Variants in NTNG1 observed in about 807,000 individuals in gnomAD.
NTNG1 encodes netrin G1.
Under a neutral mutation model 54.0 loss-of-function variants are expected in NTNG1, and 16 were observed. That is an observed-to-expected ratio of 0.30 (90% CI 0.20 to 0.45). NTNG1 has a LOEUF of 0.45. Among genes scored for constraint, NTNG1 ranks in the 20% least tolerant of loss-of-function variants. The probability of loss-of-function intolerance (pLI) is 1.00; values close to 1 mark genes in which losing one functional copy is unlikely to be tolerated. For synonymous variants in NTNG1, 255 were observed against 263.1 expected, an observed-to-expected ratio of 0.97 and a Z score of 0.30; for missense variants, 530 against 678.7, an observed-to-expected ratio of 0.78 and a Z score of 2.43.
At chr1:107,369,692 G>T (rs1670805807) in intron 3 of NTNG1, among the ~76,000 whole-genome samples, 1 of 151,906 alleles carries the variant, frequency 6.6e-6, no homozygotes, top group African/African-American at 2.4e-5. Context: ...TCAATATGTG[G>T]ATCTCCCAAT....
rs150364854 is a variant in NTNG1, at chr1:107,213,953, T to C, written c.246+65114T>C. Among the ~76,000 whole-genome samples the C allele has an allele frequency of 3.2e-3, 493 of 152,294 alleles. 2 individuals are homozygous for C. The highest frequency in any genetic ancestry group is 0.011 in the African/African-American group (475 of 41,570). On this transcript the variant is annotated intron_variant, in intron 2 of 7. Coordinates refer to ENST00000370068, the MANE Select transcript of NTNG1 (RefSeq NM_001113226.3). Reference sequence around the variant, plus strand: ...TTTTATTGGTTTGTAGGTTTTAAAATATATTTTGGATACAATCCTTCATCA... The same window carrying C: ...TTTTATTGGTTTGTAGGTTTTAAAACATATTTTGGATACAATCCTTCATCA...
At chr1:107,453,397 C>T (rs1402036631) in intron 7 of NTNG1, among the ~76,000 whole-genome samples, 1 of 152,156 alleles carries the variant, frequency 6.6e-6, no homozygotes, top group Non-Finnish European at 1.5e-5. Context: ...AAAAAGGACA[C>T]TACAAACGCA....
chr1:107,314,381 G>A (rs549895649), intron 2 of NTNG1, among the ~76,000 whole-genome samples: 69 of 151,884 alleles, frequency 4.5e-4, no homozygotes, highest in South Asian at 2.1e-3. Flanking sequence ...CCTGGGCAAA[G>A]AGGGAGAATC....
At chr1:107,208,298 C>T (rs1475776833) in intron 2 of NTNG1, among the ~76,000 whole-genome samples, 1 of 151,760 alleles carries the variant, frequency 6.6e-6, no homozygotes, top group Admixed American at 6.6e-5. Context: ...GGTGTGGTGG[C>T]GCAGGCCTGT....
chr1:107,482,964 T>C lies in NTNG1; in HGVS notation c.*2124T>C, dbSNP rs1344307867. 6.6e-6 allele frequency: 1 copy of C among 152,166 alleles called. No individual in the cohort carries two copies. The highest frequency in any genetic ancestry group is 2.4e-5 in the African/African-American group (1 of 41,452). The allele number at this position is 152,166 out of a possible 1,614,324, so 9.4% of individuals were successfully genotyped here. ...GAAATAAGGAAAGATGGAAATAAAT[T>C]AGAGCTTAGGCTTAGTGCCAGAGTG... On this transcript the variant is annotated 3_prime_UTR_variant, in exon 8 of 8. Coordinates refer to ENST00000370068, the MANE Select transcript of NTNG1 (RefSeq NM_001113226.3).
In NTNG1 at chr1:107,148,488, C is replaced by T. The variant is rs762250271; in HGVS notation, c.-106C>T. 1.2e-4 allele frequency: 129 copies of T among 1,038,000 alleles called. No individual in the cohort carries two copies. The highest frequency in any genetic ancestry group is 1.2e-3 in the Admixed American group (52 of 45,176). 64.3% of individuals were successfully genotyped at this position (1,038,000 alleles called of 1,614,324 possible). ...AAAAAAATACAGAGACCTACCTACC[C>T]GTACGCATACATACATATGTGTATA... On this transcript the variant is annotated 5_prime_UTR_variant, in exon 2 of 8. Coordinates refer to ENST00000370068, the MANE Select transcript of NTNG1 (RefSeq NM_001113226.3).
intron 3 of NTNG1, among the ~76,000 whole-genome samples, chr1:107,387,527 A>G (rs1672088759): frequency 1.3e-5 from 2 of 152,238 alleles, no homozygotes; most frequent in African/African-American, 4.8e-5. Flanking sequence ...CTGATACAGA[A>G]GATGCTGGTC....
intron 2 of NTNG1, among the ~76,000 whole-genome samples, chr1:107,260,629 A>G (rs1363321090): frequency 1.3e-5 from 2 of 152,218 alleles, no homozygotes; most frequent in Admixed American, 6.5e-5. Context: ...TCAAGAACAC[A>G]TTACTTTTGA....
rs115837700 is a variant in NTNG1 at position 107,405,878 on chromosome 1, A to G, written c.1061-1804A>G. On this transcript the variant is annotated intron_variant, in intron 4 of 7. Transcript: ENST00000370068. Reference sequence around the variant, plus strand: ...CAACAGAGGATTTGCAAAAAAAAATAAAGATTCAGTATCAAGTCACTGTCA... The same window carrying G: ...CAACAGAGGATTTGCAAAAAAAAATGAAGATTCAGTATCAAGTCACTGTCA... 8.7e-4 allele frequency among the ~76,000 whole-genome samples: 133 copies of G among 152,268 alleles called. 1 individual carries two copies. Among genetic ancestry groups the G allele is most frequent in the African/African-American group, 3.2e-3 (131 of 41,572 alleles).
chr1:107,243,103 G>A (rs1661954106), intron 2 of NTNG1, among the ~76,000 whole-genome samples: 1 of 152,126 alleles, frequency 6.6e-6, no homozygotes, highest in African/African-American at 2.4e-5. Flanking sequence ...TTATTCCTTT[G>A]AAAAATTATA....
chr1:107,297,753 G>C (rs1666072699), intron 2 of NTNG1, among the ~76,000 whole-genome samples: 4 of 152,114 alleles, frequency 2.6e-5, no homozygotes, highest in Non-Finnish European at 5.9e-5. Flanking sequence ...AAAAACACTA[G>C]CAGGAATTCT....
intron 2 of NTNG1, among the ~76,000 whole-genome samples, chr1:107,280,908 T>C (rs1360377164): frequency 2.0e-5 from 3 of 151,476 alleles, no homozygotes; most frequent in Non-Finnish European, 2.9e-5. Context: ...TTTATTTATT[T>C]TGGCTGAGAA....
intron 2 of NTNG1, among the ~76,000 whole-genome samples, chr1:107,248,090 C>T (rs1294259441): frequency 6.6e-6 from 1 of 152,094 alleles, no homozygotes; most frequent in Admixed American, 6.5e-5. Context: ...GCCAACATGC[C>T]ATTCTATTTA....
At chr1:107,322,398 A>T (rs1214623907) in intron 2 of NTNG1, among the ~76,000 whole-genome samples, 1 of 152,074 alleles carries the variant, frequency 6.6e-6, no homozygotes, top group East Asian at 1.9e-4. Context: ...CTACATGCTG[A>T]CAGATTTTGA....
At chr1:107,268,875 T>A (rs1373651807) in intron 2 of NTNG1, among the ~76,000 whole-genome samples, 3 of 152,180 alleles carry the variant, frequency 2.0e-5, no homozygotes. Flanking sequence ...TGGCTTCTTT[T>A]CTTTATCACA....
At chr1:107,313,393 T>C (rs560006771) in intron 2 of NTNG1, among the ~76,000 whole-genome samples, 195 of 152,246 alleles carry the variant, frequency 1.3e-3, no homozygotes, top group African/African-American at 4.2e-3. Context: ...CTTTTCAGTA[T>C]GTTGAGTTTG....
intron 7 of NTNG1, chr1:107,460,349 G>T (rs1350508551): frequency 1.9e-6 from 1 of 517,898 alleles, no homozygotes; most frequent in Non-Finnish European, 3.9e-6. Flanking sequence ...AGAAAGAGGT[G>T]AGCTCATTTC....
intron 2 of NTNG1, among the ~76,000 whole-genome samples, chr1:107,189,266 T>C (rs1657706827): frequency 6.7e-6 from 1 of 148,974 alleles, no homozygotes; most frequent in African/African-American, 2.5e-5. Context: ...CACAAGAATC[T>C]CTTGAACCCA....
intron 2 of NTNG1, among the ~76,000 whole-genome samples, chr1:107,256,423 T>C (rs1662937120): frequency 1.3e-5 from 2 of 152,208 alleles, no homozygotes; most frequent in South Asian, 4.1e-4. Flanking sequence ...CTACACCACA[T>C]AATTTTATTT....
Sources: gnomAD v4.1 joint callset for allele counts (sites outside exome capture counted in the v4.1 genomes callset) on GRCh38, gnomAD v4.1.1 for gene constraint, MANE v1.5 for transcripts, NCBI Gene and HGNC (gene_info 2026-07-23, HGNC 2026-07-21) for gene names.